PTK7: variants seen among roughly 807,000 people sequenced by gnomAD.
The protein encoded by PTK7 is inactive tyrosine-protein kinase 7.
In PTK7, 39 loss-of-function variants were observed where a neutral mutation model predicts 116.6. That is an observed-to-expected ratio of 0.33 (90% CI 0.26 to 0.44). The LOEUF is 0.44. Ranked by LOEUF, PTK7 falls within the 20% of genes least tolerant of loss-of-function variation. The pLI is 1.00. For synonymous variants in PTK7, 546 were observed against 563.6 expected (o/e 0.97, Z 0.44); for missense variants, 1,169 against 1,425.6 (o/e 0.82, Z 2.90).
intron 1 of PTK7, among the ~76,000 whole-genome samples, chr6:43,087,626 T>A (rs1018780160): frequency 6.6e-6 from 1 of 152,156 alleles, no homozygotes; most frequent in Non-Finnish European, 1.5e-5. Flanking sequence ...TCCTTCCACA[T>A]TTGCCTAAAA....
At chr6:43,133,733 A>C (rs1409793401) in intron 7 of PTK7, 1 of 152,176 alleles carries the variant, frequency 6.6e-6, no homozygotes, top group Non-Finnish European at 1.5e-5. Context: ...ATACATACAA[A>C]CTATTTTGCA....
At chr6:43,131,765 C>G in intron 5 of PTK7, 1 of 549,144 alleles carries the variant, frequency 1.8e-6, no homozygotes, top group East Asian at 3.2e-5. Flanking sequence ...CTCTCTCGCA[C>G]CTGCATTGCC....
At chr6:43,148,627 C>T (rs1303317553) in intron 17 of PTK7, among the ~76,000 whole-genome samples, 3 of 152,174 alleles carry the variant, frequency 2.0e-5, no homozygotes, top group Non-Finnish European at 4.4e-5. Flanking sequence ...CTCTATTTGA[C>T]TGCAAGTCAT....
intron 1 of PTK7, among the ~76,000 whole-genome samples, chr6:43,113,721 C>T (rs561542088): frequency 1.2e-3 from 183 of 152,290 alleles, no homozygotes; most frequent in African/African-American, 4.1e-3. Flanking sequence ...CTGCTGTTGT[C>T]TCACTCCTGG....
chr6:43,118,682 T>C lies in PTK7; in HGVS notation c.80-10295T>C, dbSNP rs554289328. On this transcript the variant is annotated intron_variant, in intron 1 of 19. Coordinates refer to ENST00000230419, the MANE Select transcript of PTK7 (RefSeq NM_002821.5). ...CTCTATATATATATATATATATATA[T>C]ATATATGTATATATGTATATATGTC... 1.6e-3 allele frequency among the ~76,000 whole-genome samples: 190 copies of C among 118,312 alleles called. 3 individuals carry two copies. Among genetic ancestry groups the C allele is most frequent in the African/African-American group, 6.3e-3 (168 of 26,690 alleles). The allele number at this position is 118,312 out of a possible 152,430, so 77.6% of individuals were successfully genotyped here.
chr6:43,095,755 C>T (rs1479433207), intron 1 of PTK7, among the ~76,000 whole-genome samples: 2 of 152,100 alleles, frequency 1.3e-5, no homozygotes, highest in African/African-American at 4.8e-5. Flanking sequence ...TTGCAGTGCT[C>T]TTTTTCTAAA....
intron 1 of PTK7, among the ~76,000 whole-genome samples, chr6:43,123,013 C>T (rs1223548908): frequency 6.6e-6 from 1 of 152,162 alleles, no homozygotes; most frequent in African/African-American, 2.4e-5. Flanking sequence ...CACAGTCATG[C>T]TCCACCATGC....
intron 1 of PTK7, among the ~76,000 whole-genome samples, chr6:43,079,407 C>T (rs1223086357): frequency 6.6e-6 from 1 of 151,448 alleles, no homozygotes; most frequent in African/African-American, 2.4e-5. Context: ...GTGGAGCTTG[C>T]AGTGATCGTG....
In PTK7 at chr6:43,106,648, G is replaced by T. The variant is rs552687235; in HGVS notation, c.80-22329G>T. On this transcript the variant is annotated intron_variant, in intron 1 of 19. Coordinates refer to ENST00000230419, the MANE Select transcript of PTK7 (RefSeq NM_002821.5). ...GAAGATCCTTCCAAGATTCCTCCCT[G>T]CCTTTTTTTTTTTTTTTTTTTTTGA... Among the ~76,000 whole-genome samples the T allele has an allele frequency of 6.7e-5, 8 of 118,732 alleles. No individual in the cohort carries two copies. In the South Asian group the frequency reaches 1.4e-3, roughly 20 times the overall value. The allele number at this position is 118,732 out of a possible 152,430, so 77.9% of individuals were successfully genotyped here. A position where few individuals can be genotyped will look rare whatever the true frequency, so the allele number is the denominator to read the frequency against.
chr6:43,118,621 CT>C, intron 1 of PTK7, among the ~76,000 whole-genome samples: 4 of 43,856 alleles, frequency 9.1e-5, no homozygotes, highest in East Asian at 1.0e-3. Flanking sequence ...ATATTTTAAC[CT>C]CTCTCTCTCT....
chr6:43,121,286 G>A (rs555240529), intron 1 of PTK7, among the ~76,000 whole-genome samples: 12 of 152,298 alleles, frequency 7.9e-5, no homozygotes, highest in African/African-American at 2.9e-4. Context: ...GAGTGGGACA[G>A]GCAAGTCTGA....
At chr6:43,126,663 G>T (rs945118076) in intron 1 of PTK7, among the ~76,000 whole-genome samples, 4 of 152,214 alleles carry the variant, frequency 2.6e-5, no homozygotes, top group African/African-American at 9.7e-5. Flanking sequence ...CATAGTCCTG[G>T]CTCTGCCACA....
At chr6:43,138,064 C>T (rs1770150101) in intron 7 of PTK7, among the ~76,000 whole-genome samples, 1 of 152,230 alleles carries the variant, frequency 6.6e-6, no homozygotes, top group Non-Finnish European at 1.5e-5. Flanking sequence ...CCGCCTTTGC[C>T]TCTTAAAGTG....
intron 1 of PTK7, among the ~76,000 whole-genome samples, chr6:43,114,750 T>G (rs1768399369): frequency 6.6e-6 from 1 of 152,148 alleles, no homozygotes; most frequent in South Asian, 2.1e-4. Context: ...GCTTTTGGCA[T>G]CTGGTGATGA....
intron 1 of PTK7, among the ~76,000 whole-genome samples, chr6:43,092,460 A>G (rs1036012940): frequency 2.0e-5 from 3 of 152,200 alleles, no homozygotes; most frequent in African/African-American, 7.2e-5. Context: ...TCAAGTGCCT[A>G]ATGTATAAAT....
intron 1 of PTK7, among the ~76,000 whole-genome samples, chr6:43,115,573 G>C (rs894389549): frequency 1.3e-5 from 2 of 152,060 alleles, no homozygotes; most frequent in African/African-American, 4.8e-5. Flanking sequence ...TTGTTACTCA[G>C]CATTTTCCCA....
At chr6:43,083,869 G>A (rs1365466147) in intron 1 of PTK7, among the ~76,000 whole-genome samples, 1 of 152,148 alleles carries the variant, frequency 6.6e-6, no homozygotes, top group Non-Finnish European at 1.5e-5. Context: ...ACAAAGTCCC[G>A]AGTCGCAGGG....
Position 43,130,333 on chromosome 6 carries a change from C to A in PTK7, c.574C>A (p.Pro192Thr). ...GAACCTGACGCTCCGGCCAGCTGGT[C>A]CTGAGCATAGTGGGCTGTATTCCTG... Reference protein sequence around the residue: ...ERNLTLRPAGPEHSGLYSCCA... With the variant: ...ERNLTLRPAGTEHSGLYSCCA... Residue 192 changes from proline to threonine, a missense_variant, in exon 4 of 20, where the codon CCT becomes ACT. Physicochemically the swap from Pro to Thr is conservative, Grantham distance 38 (BLOSUM62 -1). Around this residue, in one of 3 missense-constraint regions of PTK7, gnomAD observed 487 missense variants for 549.8 expected, o/e 0.89. Transcript: ENST00000230419. The A allele has an allele frequency of 6.2e-7, 1 of 1,613,082 alleles. No homozygotes were observed. The highest frequency in any genetic ancestry group is 8.5e-7 in the Non-Finnish European group (1 of 1,179,508).
At chr6:43,080,358 A>G (rs1766310316) in intron 1 of PTK7, among the ~76,000 whole-genome samples, 1 of 152,222 alleles carries the variant, frequency 6.6e-6, no homozygotes, top group Non-Finnish European at 1.5e-5. Context: ...TCTCAAAAAA[A>G]ACAAAAAAAT....
Sources: gnomAD v4.1 joint callset for allele counts (sites outside exome capture counted in the v4.1 genomes callset) on GRCh38, gnomAD v4.1.1 for gene constraint, gnomAD v4.1.1 regional missense constraint, MANE v1.5 for transcripts, NCBI Gene and HGNC (gene_info 2026-07-23, HGNC 2026-07-21) for gene names.